The following OPCML variants were observed in gnomAD, a reference collection of about 807,000 sequenced individuals.
The protein encoded by OPCML is opioid binding protein/cell adhesion molecule like.
Under a neutral mutation model 37.8 loss-of-function variants are expected in OPCML, and 13 were observed. That is an observed-to-expected ratio of 0.34 (90% CI 0.22 to 0.55). OPCML has a LOEUF of 0.55. Ranked by LOEUF, OPCML falls within the 20% of genes least tolerant of loss-of-function variation. The pLI is 0.91. For synonymous variants in OPCML, 176 were observed against 168.8 expected, an observed-to-expected ratio of 1.04 and a Z score of -0.33; for missense variants, 341 against 435.6, an observed-to-expected ratio of 0.78 and a Z score of 1.93.
At chr11:133,460,573 A>C (rs978602373) in intron 1 of OPCML, among the ~76,000 whole-genome samples, 2 of 151,936 alleles carry the variant, frequency 1.3e-5, no homozygotes, top group Non-Finnish European at 2.9e-5. Flanking sequence ...ATTGTACACT[A>C]AGAAATTGGA....
rs368503929 is a variant in OPCML, at chr11:132,688,699, A to AAAAGCTCCTTT, written c.147-31381_147-31380insAAAGGAGCTTT. The stretch of plus-strand genomic sequence containing the variant: ...TAATAGATACAAAATATAAAAATAG[A>AAAAGCTCCTTT]TTGGGAGGCCGAGGCGGGTGGATCA... On this transcript the variant is annotated intron_variant, in intron 2 of 7. Transcript: ENST00000524381. 1.1e-3 allele frequency among the ~76,000 whole-genome samples: 123 copies of AAAAGCTCCTTT among 109,118 alleles called. 1 individual carries two copies. Among genetic ancestry groups the AAAAGCTCCTTT allele is most frequent in the Admixed American group, 1.9e-3 (19 of 10,040 alleles). 71.6% of individuals were successfully genotyped at this position (109,118 alleles called of 152,430 possible).
intron 1 of OPCML, among the ~76,000 whole-genome samples, chr11:133,241,914 C>A (rs1474518486): frequency 6.6e-6 from 1 of 152,208 alleles, no homozygotes; most frequent in East Asian, 1.9e-4. Context: ...ACCGGGCTAG[C>A]TTGAGGCCCA....
chr11:133,010,256 G>C (rs956495479), intron 1 of OPCML, among the ~76,000 whole-genome samples: 2 of 152,136 alleles, frequency 1.3e-5, no homozygotes, highest in Non-Finnish European at 2.9e-5. Flanking sequence ...CTACAAGAGG[G>C]CTGCCAGGGA....
In OPCML at chr11:133,174,770, A is replaced by C. The variant is rs1950343206; in HGVS notation, c.62-231760T>G. The stretch of plus-strand genomic sequence containing the variant: ...TCTCTCTGACTGTTTTAGTCATTCA[A>C]CTCTATATTATAATTCATTTATGAT... On this transcript the variant is annotated intron_variant, in intron 1 of 7. Transcript: ENST00000524381. The surrounding 1 kb of genome is among the most constrained non-coding windows in gnomAD (Gnocchi z 4.6). 6.6e-6 allele frequency among the ~76,000 whole-genome samples: 1 copy of C among 151,964 alleles called. No homozygotes were observed. Among genetic ancestry groups the C allele is most frequent in the Non-Finnish European group, 1.5e-5 (1 of 68,030 alleles).
intron 1 of OPCML, among the ~76,000 whole-genome samples, chr11:133,139,325 C>T (rs1949735136): frequency 6.6e-6 from 1 of 152,190 alleles, no homozygotes; most frequent in South Asian, 2.1e-4. Context: ...AGAAACCATT[C>T]TAAGTGTTTA....
intron 4 of OPCML, among the ~76,000 whole-genome samples, chr11:132,485,347 G>C (rs1185135497): frequency 2.0e-5 from 3 of 152,140 alleles, no homozygotes; most frequent in Admixed American, 6.6e-5. Context: ...CCAATTCACG[G>C]TTCTTTGTGT....
intron 2 of OPCML, among the ~76,000 whole-genome samples, chr11:132,793,126 C>T (rs968797070): frequency 2.0e-5 from 3 of 152,200 alleles, no homozygotes; most frequent in Admixed American, 1.3e-4. Context: ...GGCCCTGGGC[C>T]GCTTGCGTGT....
chr11:133,159,365 T>C (rs1413293279), intron 1 of OPCML, among the ~76,000 whole-genome samples: 1 of 152,168 alleles, frequency 6.6e-6, no homozygotes, highest in Non-Finnish European at 1.5e-5. Context: ...CAAGTGGCCC[T>C]AAATGTTAGA....
At chr11:132,758,215 T>A in intron 2 of OPCML, among the ~76,000 whole-genome samples, 1 of 152,226 alleles carries the variant, frequency 6.6e-6, no homozygotes, top group Middle Eastern at 3.2e-3. Flanking sequence ...AGCCTTCTAG[T>A]ATAGTTTGAA....
chr11:132,737,180 G>A (rs1334867527), intron 2 of OPCML, among the ~76,000 whole-genome samples: 7 of 152,200 alleles, frequency 4.6e-5, no homozygotes, highest in Admixed American at 4.6e-4. Context: ...TGGTTTGCAA[G>A]GAGGTCAAAG....
chr11:133,066,365 C>T (rs1243578213), intron 1 of OPCML: 1 of 152,268 alleles, frequency 6.6e-6, no homozygotes, highest in African/African-American at 2.4e-5. Flanking sequence ...TCTCACTGCG[C>T]CCTCTCCTCC....
intron 2 of OPCML, among the ~76,000 whole-genome samples, chr11:132,757,559 G>A (rs1427871598): frequency 6.6e-6 from 1 of 152,168 alleles, no homozygotes; most frequent in Non-Finnish European, 1.5e-5. Flanking sequence ...CAGTGATGAT[G>A]AGCTTTTTTT....
At chr11:133,178,395 C>T in intron 1 of OPCML, among the ~76,000 whole-genome samples, 1 of 152,080 alleles carries the variant, frequency 6.6e-6, no homozygotes, top group East Asian at 1.9e-4. Flanking sequence ...CTGGCCCAGC[C>T]TCTGGGACCT....
At chr11:133,372,711 A>C (rs1218209001) in intron 1 of OPCML, among the ~76,000 whole-genome samples, 2 of 152,244 alleles carry the variant, frequency 1.3e-5, no homozygotes, top group Non-Finnish European at 2.9e-5. Flanking sequence ...GATTCCCAAT[A>C]TCATCCTACC....
At chr11:132,513,618 T>A (rs1333592713) in intron 4 of OPCML, among the ~76,000 whole-genome samples, 2 of 152,186 alleles carry the variant, frequency 1.3e-5, no homozygotes, top group African/African-American at 4.8e-5. Context: ...TCTCTTCTCT[T>A]ATCTCCATTG....
chr11:132,614,223 G>C (rs928666805), intron 3 of OPCML, among the ~76,000 whole-genome samples: 2 of 151,952 alleles, frequency 1.3e-5, no homozygotes, highest in Non-Finnish European at 2.9e-5. Flanking sequence ...TGCTGGATTT[G>C]GTCTGTTTTT....
At chr11:133,267,252 T>A (rs538460679) in intron 1 of OPCML, among the ~76,000 whole-genome samples, 1 of 152,310 alleles carries the variant, frequency 6.6e-6, no homozygotes, top group Admixed American at 6.5e-5. Context: ...TTAGTATTGC[T>A]ACAGAGTTGT....
chr11:133,374,343 A>G (rs1231002599), intron 1 of OPCML, among the ~76,000 whole-genome samples: 1 of 152,232 alleles, frequency 6.6e-6, no homozygotes, highest in Non-Finnish European at 1.5e-5. Flanking sequence ...TGGAGAGGGC[A>G]GAAGGCAGGA....
intron 2 of OPCML, among the ~76,000 whole-genome samples, chr11:132,713,811 T>A (rs1020279537): frequency 1.3e-5 from 2 of 152,206 alleles, no homozygotes; most frequent in South Asian, 4.1e-4. Context: ...TGCCTGTCAG[T>A]AGCTATTGAG....
Sources: gnomAD v4.1 joint callset for allele counts (sites outside exome capture counted in the v4.1 genomes callset) on GRCh38, gnomAD v4.1.1 for gene constraint, Gnocchi (gnomAD v3.1) non-coding constraint, MANE v1.5 for transcripts, NCBI Gene and HGNC (gene_info 2026-07-23, HGNC 2026-07-21) for gene names.